Variants in DPYD observed in about 807,000 individuals in gnomAD.
DPYD encodes the protein dihydropyrimidine dehydrogenase.
In DPYD, 109 loss-of-function variants were observed where a neutral mutation model predicts 116.2. That is an observed-to-expected ratio of 0.94 (90% CI 0.80 to 1.10). The LOEUF is 1.10. Ranked by LOEUF, DPYD falls within the 50% of genes least tolerant of loss-of-function variation. DPYD has a pLI of 0.00. For missense variants in DPYD, 1,302 were observed against 1,254.5 expected (o/e 1.04, Z -0.57); for synonymous variants, 440 against 432.0 (o/e 1.02, Z -0.23).
chr1:97,651,290 T>TA (rs972453415), intron 8 of DPYD, among the ~76,000 whole-genome samples: 15 of 152,260 alleles, frequency 9.9e-5, no homozygotes, highest in African/African-American at 3.1e-4. Context: ...AGAACAGCAT[T>TA]AAAAATCCCC....
chr1:97,607,751 T>C (rs1054767294), intron 8 of DPYD, among the ~76,000 whole-genome samples: 1 of 151,936 alleles, frequency 6.6e-6, no homozygotes, highest in African/African-American at 2.4e-5. Context: ...TCAAACTTTC[T>C]TGTTATCACA....
At chr1:97,534,655 A>T (rs546060983) in intron 12 of DPYD, among the ~76,000 whole-genome samples, 181 of 152,032 alleles carry the variant, frequency 1.2e-3, no homozygotes, top group African/African-American at 4.3e-3. Flanking sequence ...TTATTGTTGT[A>T]TTCTTCTGAG....
chr1:97,428,248 C>T (rs1313741946), intron 14 of DPYD, among the ~76,000 whole-genome samples: 1 of 152,042 alleles, frequency 6.6e-6, no homozygotes, highest in African/African-American at 2.4e-5. Flanking sequence ...TCTAGTTCTT[C>T]AAGATCATGG....
rs59090402 is a variant in DPYD at position 97,469,397 on chromosome 1, C to CAAAAAAAAAAAAAAAAAA, written c.1741-19192_1741-19175dup. 3.8e-4 allele frequency among the ~76,000 whole-genome samples: 31 copies of CAAAAAAAAAAAAAAAAAA among 80,808 alleles called. 3 individuals carry two copies. The highest frequency in any genetic ancestry group is 1.2e-3 in the African/African-American group (23 of 18,472). The allele number at this position is 80,808 out of a possible 152,430, so 53.0% of individuals were successfully genotyped here. A position where few individuals can be genotyped will look rare whatever the true frequency, so the allele number is the denominator to read the frequency against. ...ATAGCTCTAAGGGAAGCTAAAATTG[C>CAAAAAAAAAAAAAAAAAA]AAAAAAAAAAAAAAAAAAAAAAAAA... is the stretch of plus-strand genomic sequence containing the variant. On this transcript the variant is annotated intron_variant, in intron 13 of 22. Coordinates refer to ENST00000370192, the MANE Select transcript of DPYD (RefSeq NM_000110.4).
At chr1:97,455,114 T>G (rs1676610009) in intron 13 of DPYD, among the ~76,000 whole-genome samples, 1 of 151,832 alleles carries the variant, frequency 6.6e-6, no homozygotes, top group African/African-American at 2.4e-5. Context: ...AGAAGTTACC[T>G]CTTGGAGTAG....
chr1:97,487,013 C>T (rs1678677426), intron 13 of DPYD, among the ~76,000 whole-genome samples: 1 of 151,966 alleles, frequency 6.6e-6, no homozygotes, highest in Non-Finnish European at 1.5e-5. Context: ...GATTAGTCAT[C>T]TTTGAATCAT....
chr1:97,613,077 C>G (rs2100752153), intron 8 of DPYD, among the ~76,000 whole-genome samples: 1 of 152,070 alleles, frequency 6.6e-6, no homozygotes. Context: ...CATGTCTTTT[C>G]TCTCTCTTTC....
At chr1:97,903,826 C>A (rs1673480769) in intron 1 of DPYD, among the ~76,000 whole-genome samples, 1 of 151,912 alleles carries the variant, frequency 6.6e-6, no homozygotes, top group Non-Finnish European at 1.5e-5. Flanking sequence ...TGGCCAACAA[C>A]AACATTTTAA....
intron 16 of DPYD, among the ~76,000 whole-genome samples, chr1:97,331,235 A>C (rs1668980113): frequency 6.6e-6 from 1 of 152,114 alleles, no homozygotes; most frequent in Non-Finnish European, 1.5e-5. Context: ...GTGTTTTAGG[A>C]GGTCAAGACA....
intron 14 of DPYD, among the ~76,000 whole-genome samples, chr1:97,430,108 G>A (rs1028865554): frequency 7.2e-5 from 11 of 152,124 alleles, no homozygotes; most frequent in Middle Eastern, 3.4e-3. Flanking sequence ...ATTCAGTTAC[G>A]TTTATTGAGA....
intron 14 of DPYD, among the ~76,000 whole-genome samples, chr1:97,413,645 T>TG (rs910038044): frequency 6.6e-6 from 1 of 152,026 alleles, no homozygotes; most frequent in Non-Finnish European, 1.5e-5. Flanking sequence ...CCTAATTTTT[T>TG]GTGTTGTTTT....
intron 12 of DPYD, among the ~76,000 whole-genome samples, chr1:97,518,793 T>C (rs1017986081): frequency 6.6e-6 from 1 of 152,160 alleles, no homozygotes; most frequent in African/African-American, 2.4e-5. Context: ...TAAAAAGGAA[T>C]GCTATGCTAG....
chr1:97,137,562 G>T lies in DPYD; in HGVS notation c.2623-38930C>A, dbSNP rs377730367. ...AGGGAAAGACAATTTCTCTCATTGC[G>T]CTTCTCTGCAGACATTCTGTCGGCT... On this transcript the variant is annotated intron_variant, in intron 20 of 22. Coordinates refer to ENST00000370192, the MANE Select transcript of DPYD (RefSeq NM_000110.4). 9.5e-4 allele frequency among the ~76,000 whole-genome samples: 144 copies of T among 152,218 alleles called. 4 individuals are homozygous for T. The South Asian group carries it at 0.029, about 31-fold the overall frequency.
chr1:97,359,694 T>C (rs1670616455), intron 16 of DPYD, among the ~76,000 whole-genome samples: 1 of 152,166 alleles, frequency 6.6e-6, no homozygotes, highest in South Asian at 2.1e-4. Context: ...CCAAATTTCA[T>C]ATCCAGCCAA....
intron 4 of DPYD, among the ~76,000 whole-genome samples, chr1:97,731,112 C>T (rs1347861673): frequency 6.6e-6 from 1 of 152,006 alleles, no homozygotes; most frequent in African/African-American, 2.4e-5. Context: ...TGCCAAAAGA[C>T]ACATGATTAT....
At chr1:97,547,197 C>T (rs1650960427) in intron 12 of DPYD, among the ~76,000 whole-genome samples, 1 of 151,750 alleles carries the variant, frequency 6.6e-6, no homozygotes, top group African/African-American at 2.4e-5. Context: ...ATTTCATCTG[C>T]AAATGATAAT....
intron 19 of DPYD, among the ~76,000 whole-genome samples, chr1:97,231,691 C>T (rs543791062): frequency 2.0e-5 from 3 of 152,242 alleles, no homozygotes; most frequent in African/African-American, 7.2e-5. Context: ...CCATATCAAT[C>T]ACTTTTATCC....
At chr1:97,737,596 T>TA (rs1664031492) in intron 4 of DPYD, among the ~76,000 whole-genome samples, 1 of 152,116 alleles carries the variant, frequency 6.6e-6, no homozygotes, top group South Asian at 2.1e-4. Context: ...TTTTGTTTGA[T>TA]AAGAGTATAA....
At chr1:97,730,959 A>G (rs1405637873) in intron 4 of DPYD, among the ~76,000 whole-genome samples, 1 of 152,110 alleles carries the variant, frequency 6.6e-6, no homozygotes, top group Admixed American at 6.6e-5. Flanking sequence ...AGCAAATGAG[A>G]ATCTTTAAGT....
Sources: gnomAD v4.1 joint callset for allele counts (sites outside exome capture counted in the v4.1 genomes callset) on GRCh38, gnomAD v4.1.1 for gene constraint, MANE v1.5 for transcripts, NCBI Gene and HGNC (gene_info 2026-07-23, HGNC 2026-07-21) for gene names.